SMURF1: variants seen among roughly 807,000 people sequenced by gnomAD.
SMURF1 encodes SMAD specific E3 ubiquitin protein ligase 1, also known as E3 ubiquitin-protein ligase SMURF1.
SMURF1 carries 44 observed loss-of-function variants against 98.0 expected under a neutral mutation model. That is an observed-to-expected ratio of 0.45 (90% CI 0.35 to 0.58). SMURF1 has a LOEUF of 0.58. Among genes scored for constraint, SMURF1 ranks in the 20% least tolerant of loss-of-function variants. The pLI is 0.00. For synonymous variants in SMURF1, 396 were observed against 374.9 expected, an observed-to-expected ratio of 1.06 and a Z score of -0.65; for missense variants, 687 against 938.4, an observed-to-expected ratio of 0.73 and a Z score of 3.50.
At chr7:99,045,494 G>A (rs1477877279) in intron 11 of SMURF1, 3 of 527,566 alleles carry the variant, frequency 5.7e-6, no homozygotes, top group Non-Finnish European at 1.0e-5. Context: ...GTAGGTTATG[G>A]CAAGAGGCTG....
chr7:99,082,665 G>A (rs1376888638), intron 1 of SMURF1, among the ~76,000 whole-genome samples: 2 of 152,170 alleles, frequency 1.3e-5, no homozygotes, highest in African/African-American at 4.8e-5. Flanking sequence ...CAACTTTGTT[G>A]TTGTTTTTTC....
intron 8 of SMURF1, 45 bp from the exon 9 acceptor site, chr7:99,049,754 G>A (rs751171188): frequency 2.3e-5 from 36 of 1,578,734 alleles, no homozygotes; most frequent in Non-Finnish European, 3.0e-5. Context: ...ACTGAGTATG[G>A]AGGAATGAGA....
intron 11 of SMURF1, among the ~76,000 whole-genome samples, chr7:99,045,347 A>G (rs1158347741): frequency 1.3e-5 from 2 of 152,234 alleles, no homozygotes; most frequent in African/African-American, 2.4e-5. Context: ...CAAATCCTCT[A>G]CAGAGGAGAG....
At chr7:99,057,605 G>GTTTTTTTTT in intron 3 of SMURF1, 54 bp from the exon 4 acceptor site, 1 of 1,104,856 alleles carries the variant, frequency 9.1e-7, no homozygotes, top group Non-Finnish European at 1.2e-6. Flanking sequence ...TTTTTGTTTT[G>GTTTTTTTTT]TTTTTTTTTT....
intron 1 of SMURF1, 135 bp downstream of exon 1, chr7:99,143,591 G>T: frequency 1.5e-6 from 1 of 659,038 alleles, no homozygotes; most frequent in Non-Finnish European, 2.3e-6. Context: ...AGCGAGGGGC[G>T]CACGCCGAAG....
At chr7:99,042,806 G>T (rs1365856085) in intron 11 of SMURF1, among the ~76,000 whole-genome samples, 2 of 152,194 alleles carry the variant, frequency 1.3e-5, no homozygotes, top group Non-Finnish European at 2.9e-5. Context: ...ATCGCATTAA[G>T]ATAGCAGCTC....
rs146970269 is a variant in SMURF1 at position 99,095,231 on chromosome 7, C to T, written c.56-33394G>A. On this transcript the variant is annotated intron_variant, in intron 1 of 17. Transcript: ENST00000361368. The stretch of plus-strand genomic sequence containing the variant: ...AGTAGCTGGGATTACAGGCATGCGC[C>T]ACCATGTCCGGCTAATTTTTGTATT... Among the ~76,000 whole-genome samples the T allele has an allele frequency of 5.9e-3, 892 of 152,268 alleles. 8 individuals carry two copies. Among genetic ancestry groups the T allele is most frequent in the African/African-American group, 0.02 (850 of 41,546 alleles).
chr7:99,055,556 C>CAA (rs1451619360), intron 5 of SMURF1, among the ~76,000 whole-genome samples: 45 of 152,066 alleles, frequency 3.0e-4, no homozygotes, highest in African/African-American at 1.1e-3. Context: ...AGGCTGGCCT[C>CAA]AAACTCCTGG....
At chr7:99,057,605 G>GT (rs548576398) in intron 3 of SMURF1, 54 bp from the exon 4 acceptor site, 116,246 of 1,030,910 alleles carry the variant, frequency 0.11, 85 homozygotes, top group East Asian at 0.13. Flanking sequence ...TTTTTGTTTT[G>GT]TTTTTTTTTT....
chr7:99,059,902 T>TCC (rs2150539036), intron 3 of SMURF1, among the ~76,000 whole-genome samples: 1 of 130,788 alleles, frequency 7.6e-6, no homozygotes, highest in Admixed American at 8.1e-5. Context: ...AAAGCAAGAC[T>TCC]CCATCTCAAA....
rs1796087057 is a variant in SMURF1, at chr7:99,063,244, TATATATATATATATATATATATATA to T, written c.56-1432_56-1408del. Among the ~76,000 whole-genome samples the T allele has an allele frequency of 4.6e-3, 67 of 14,508 alleles. 8 individuals carry two copies. Among genetic ancestry groups the T allele is most frequent in the East Asian group, 0.014 (7 of 506 alleles). The allele number at this position is 14,508 out of a possible 152,430, so 9.5% of individuals were successfully genotyped here. A position where few individuals can be genotyped will look rare whatever the true frequency, so the allele number is the denominator to read the frequency against. ...TATATATATATATAAGATTTATTTA[TATATATATATATATATATATATATA>T]TATATATATATATATATATATATAT... On this transcript the variant is annotated intron_variant, in intron 1 of 17. Coordinates refer to ENST00000361368, the MANE Select transcript of SMURF1 (RefSeq NM_181349.3).
At chr7:99,133,116 C>CACA (rs201459579) in intron 1 of SMURF1, among the ~76,000 whole-genome samples, 3 of 146,770 alleles carry the variant, frequency 2.0e-5, no homozygotes, top group Non-Finnish European at 4.5e-5. Context: ...CACACACACA[C>CACA]CCCACCCACA....
chr7:99,046,691 C>A (rs995881448), intron 10 of SMURF1, among the ~76,000 whole-genome samples: 2 of 142,712 alleles, frequency 1.4e-5, no homozygotes, highest in African/African-American at 5.2e-5. Flanking sequence ...GAGATCATGC[C>A]GCTGCACTCC....
At chr7:99,096,197 C>T (rs1168931726) in intron 1 of SMURF1, among the ~76,000 whole-genome samples, 1 of 152,184 alleles carries the variant, frequency 6.6e-6, no homozygotes, top group Admixed American at 6.5e-5. Context: ...CAACCAGGCT[C>T]CAGGTGGCCA....
At chr7:99,127,549 A>T (rs144479725) in intron 1 of SMURF1, among the ~76,000 whole-genome samples, 3,308 of 152,116 alleles carry the variant, frequency 0.022, 45 homozygotes, top group Non-Finnish European at 0.032. Flanking sequence ...AAATAAAATT[A>T]AAAAAAAGAA....
At position 99,035,678 on chromosome 7, in the gene SMURF1, G is replaced by A. The variant is rs149814944; in HGVS notation, c.1848C>T (p.Asp616=). ...IGGLDKIDLN[D]WKSNTRLKHC... ...GCTTCAGCCGCGTGTTCGACTTCCA[G>A]TCGTTCAAGTCTATTTTATCCAGGC... The change falls in exon 16 of 18, where the codon GAC becomes GAT. Residue 616 remains aspartate, a synonymous_variant. Coordinates refer to ENST00000361368, the MANE Select transcript of SMURF1 (RefSeq NM_181349.3). The A allele has an allele frequency of 6.2e-6, 10 of 1,614,062 alleles. No individual in the cohort carries two copies. Among genetic ancestry groups the A allele is most frequent in the South Asian group, 3.3e-5 (3 of 91,084 alleles).
intron 1 of SMURF1, among the ~76,000 whole-genome samples, chr7:99,124,379 A>T (rs976212593): frequency 1.3e-5 from 2 of 152,196 alleles, no homozygotes; most frequent in Non-Finnish European, 2.9e-5. Flanking sequence ...GGCACTCCAA[A>T]GTCCCAATAC....
chr7:99,076,116 G>A (rs1053441840), intron 1 of SMURF1, among the ~76,000 whole-genome samples: 14 of 152,148 alleles, frequency 9.2e-5, no homozygotes, highest in African/African-American at 2.9e-4. Flanking sequence ...ATGTTGCCCA[G>A]CCTGGTCTCA....
intron 1 of SMURF1, among the ~76,000 whole-genome samples, chr7:99,078,500 A>G (rs926824170): frequency 2.0e-5 from 3 of 151,620 alleles, no homozygotes; most frequent in Admixed American, 6.6e-5. Context: ...GGGGTCCTCA[A>G]CCCCCCCTCC....
Sources: gnomAD v4.1 joint callset for allele counts (sites outside exome capture counted in the v4.1 genomes callset) on GRCh38, gnomAD v4.1.1 for gene constraint, MANE v1.5 for transcripts, NCBI Gene and HGNC (gene_info 2026-07-23, HGNC 2026-07-21) for gene names.